MS4A3: variants seen among roughly 807,000 people sequenced by gnomAD.
MS4A3 encodes the protein membrane spanning 4-domains A3, also known as membrane-spanning 4-domains subfamily A member 3.
Under a neutral mutation model 24.7 loss-of-function variants are expected in MS4A3, and 18 were observed. That is an observed-to-expected ratio of 0.73 (90% confidence interval 0.50 to 1.08). The LOEUF (loss-of-function observed/expected upper bound fraction) is 1.08. Among genes scored for constraint, MS4A3 ranks in the 50% least tolerant of loss-of-function variants. MS4A3 has a pLI of 0.00. For missense variants in MS4A3, 282 were observed against 251.7 expected, an observed-to-expected ratio of 1.12 and a Z score of -0.82; for synonymous variants, 84 against 95.3, an observed-to-expected ratio of 0.88 and a Z score of 0.69.
Position 60,071,083 on chromosome 11 carries a change from T to G in MS4A3, c.*850T>G, listed in dbSNP as rs1437969841. The G allele has an allele frequency of 6.6e-6, 1 of 152,210 alleles. No homozygotes were observed. Among genetic ancestry groups the G allele is most frequent in the Non-Finnish European group, 1.5e-5 (1 of 68,032 alleles). 9.4% of individuals were successfully genotyped at this position (152,210 alleles called of 1,614,324 possible). A position where few individuals can be genotyped will look rare whatever the true frequency, so the allele number is the denominator to read the frequency against. Reference sequence around the variant, plus strand: ...CTACTTTGTCGGTTGCTCTGAGGGTTAAATGAAAATAAAAAGAAAATGTGA... The same window carrying G: ...CTACTTTGTCGGTTGCTCTGAGGGTGAAATGAAAATAAAAAGAAAATGTGA... On this transcript the variant is annotated 3_prime_UTR_variant, in exon 7 of 7. Coordinates refer to ENST00000278865, the MANE Select transcript of MS4A3 (RefSeq NM_006138.5).
chr11:60,069,596 T>C lies in MS4A3; in HGVS notation c.536T>C (p.Ile179Thr). The C allele has an allele frequency of 6.2e-7, 1 of 1,613,416 alleles. No homozygotes were observed. The highest frequency in any genetic ancestry group is 8.5e-7 in the Non-Finnish European group (1 of 1,179,426). The change falls in exon 6 of 7, where the codon ATT (isoleucine) becomes ACT (threonine). Residue 179 changes from isoleucine to threonine, a missense_variant. Physicochemically the swap from Ile to Thr is moderately conservative, Grantham distance 89. Transcript: ENST00000278865. Reference sequence around the variant, plus strand: ...TAGGGCATGGTGTCTCTACTGCTGATTCTCACCTTGCTGGAATTATGCGTA... The same window carrying C: ...TAGGGCATGGTGTCTCTACTGCTGACTCTCACCTTGCTGGAATTATGCGTA... The part of the protein sequence containing the change: ...ISNGMVSLLL[I>T]LTLLELCVTI...
At chr11:60,060,208 T>A (rs924821052) in intron 1 of MS4A3, among the ~76,000 whole-genome samples, 1 of 152,208 alleles carries the variant, frequency 6.6e-6, no homozygotes, top group African/African-American at 2.4e-5. Context: ...TGATACCACC[T>A]GTTCACAGGT....
intron 3 of MS4A3, among the ~76,000 whole-genome samples, chr11:60,063,070 T>C (rs1343694417): frequency 6.6e-6 from 1 of 152,246 alleles, no homozygotes; most frequent in Non-Finnish European, 1.5e-5. Flanking sequence ...AATGCTGGAA[T>C]TGCCAGGCAT....
Position 60,070,803 on chromosome 11 carries a change from A to T in MS4A3, c.*570A>T, listed in dbSNP as rs1855463640. On this transcript the variant is annotated 3_prime_UTR_variant, in exon 7 of 7. Coordinates refer to ENST00000278865, the MANE Select transcript of MS4A3 (RefSeq NM_006138.5). The stretch of plus-strand genomic sequence containing the variant: ...AGGCTCAGGGATTTTATTTCAGTGA[A>T]CTGCTGGAACTCACACATGCCCTGA... 1 of 152,456 alleles carries T rather than the reference A, an allele frequency of 6.6e-6. No homozygotes were observed. The highest frequency in any genetic ancestry group is 1.5e-5 in the Non-Finnish European group (1 of 68,264). 9.4% of individuals were successfully genotyped at this position (152,456 alleles called of 1,614,324 possible).
Position 60,067,052 on chromosome 11 carries a change from G to C in MS4A3, c.453G>C (p.Arg151Ser), listed in dbSNP as rs897923440. The C allele has an allele frequency of 1.9e-6, 3 of 1,613,300 alleles. No homozygotes were observed. The highest frequency in any genetic ancestry group is 2.5e-6 in the Non-Finnish European group (3 of 1,179,822). Residue 151 changes from arginine (R) to serine (S), a missense_variant, in exon 5 of 7, where the codon AGG (arginine) becomes AGC (serine). Arg to Ser is a moderately radical substitution (Grantham distance 110). Coordinates refer to ENST00000278865, the MANE Select transcript of MS4A3 (RefSeq NM_006138.5). ...TAGCAGTTAATATCCAGTCATTAAGGAGTTGTCACTCTTCATCAGAGTCAC... is the reference window on the plus strand; with the variant it reads ...TAGCAGTTAATATCCAGTCATTAAGCAGTTGTCACTCTTCATCAGAGTCAC... ...LNIAVNIQSL[R>S]SCHSSSESPD...
intron 3 of MS4A3, among the ~76,000 whole-genome samples, chr11:60,063,077 G>A (rs1363405616): frequency 6.6e-6 from 1 of 152,134 alleles, no homozygotes; most frequent in Non-Finnish European, 1.5e-5. Context: ...GAATTGCCAG[G>A]CATGAGCCCT....
chr11:60,062,873 C>T (rs1855299996), intron 3 of MS4A3, among the ~76,000 whole-genome samples: 1 of 152,040 alleles, frequency 6.6e-6, no homozygotes, highest in African/African-American at 2.4e-5. Flanking sequence ...CCACTGAAAC[C>T]CTCTGCCTCC....
chr11:60,068,658 C>T (rs1855418259), intron 5 of MS4A3, among the ~76,000 whole-genome samples: 1 of 152,116 alleles, frequency 6.6e-6, no homozygotes, highest in South Asian at 2.1e-4. Context: ...TCCCAGTGAT[C>T]TATGAACTGT....
rs375658544 is a variant in MS4A3 at position 60,070,364 on chromosome 11, A to G, written c.*131A>G. 44 of 706,716 alleles carry G rather than the reference A, an allele frequency of 6.2e-5. No individual in the cohort carries two copies. Among genetic ancestry groups the G allele is most frequent in the East Asian group, 3.0e-4 (11 of 36,974 alleles). 43.8% of individuals were successfully genotyped at this position (706,716 alleles called of 1,614,324 possible). A position where few individuals can be genotyped will look rare whatever the true frequency, so the allele number is the denominator to read the frequency against. ...GCTCAATCCTTCTATCATGGCACCA[A>G]TCACAAGAACCTTGGACGTTTGACT... is the stretch of plus-strand genomic sequence containing the variant. On this transcript the variant is annotated 3_prime_UTR_variant, in exon 7 of 7. Coordinates refer to ENST00000278865, the MANE Select transcript of MS4A3 (RefSeq NM_006138.5).
At chr11:60,061,472 C>G (rs1855274243) in intron 2 of MS4A3, 156 bp downstream of exon 2, 2 of 818,838 alleles carry the variant, frequency 2.4e-6, no homozygotes, top group Non-Finnish European at 4.0e-6. Context: ...AACCCCTGCT[C>G]TCCCTCTTCT....
chr11:60,062,595 G>T lies in MS4A3; in HGVS notation c.284G>T (p.Gly95Val). ...FTFYTGYPIW[G>V]AVFFCSSGTL... Reference sequence around the variant, plus strand: ...TTCTACACAGGCTACCCGATTTGGGGTGCTGTGTTTGTGAGTATTCGTACT... The same window carrying T: ...TTCTACACAGGCTACCCGATTTGGGTTGCTGTGTTTGTGAGTATTCGTACT... Residue 95 changes from glycine to valine, a missense_variant, in exon 3 of 7, where the codon GGT becomes GTT. Transcript: ENST00000278865. The T allele has an allele frequency of 6.2e-7, 1 of 1,613,984 alleles. No individual in the cohort carries two copies. Among genetic ancestry groups the T allele is most frequent in the South Asian group, 1.1e-5 (1 of 91,078 alleles).
rs1369166820 is a variant in MS4A3 at position 60,070,346 on chromosome 11, C to A, written c.*113C>A. Reference sequence around the variant, plus strand: ...CATAAGCCTGCTCGTAAAGCTCAATCCTTCTATCATGGCACCAATCACAAG... The same window carrying A: ...CATAAGCCTGCTCGTAAAGCTCAATACTTCTATCATGGCACCAATCACAAG... On this transcript the variant is annotated 3_prime_UTR_variant, in exon 7 of 7. Coordinates refer to ENST00000278865, the MANE Select transcript of MS4A3 (RefSeq NM_006138.5). 6 of 824,650 alleles carry A rather than the reference C, an allele frequency of 7.3e-6. No homozygotes were observed. In the Admixed American group the frequency reaches 1.1e-4, roughly 16 times the overall value. 51.1% of individuals were successfully genotyped at this position (824,650 alleles called of 1,614,324 possible).
intron 1 of MS4A3, among the ~76,000 whole-genome samples, chr11:60,060,331 T>C (rs1251246492): frequency 2.6e-5 from 4 of 152,146 alleles, no homozygotes; most frequent in African/African-American, 9.7e-5. Flanking sequence ...GTCATGCAAC[T>C]AGTAAGTGAT....
chr11:60,070,117 T>C (rs1855451271), intron 6 of MS4A3, 87 bp from the exon 7 acceptor site: 1 of 1,156,204 alleles, frequency 8.6e-7, no homozygotes, highest in South Asian at 1.3e-5. Context: ...ATTTTATTGT[T>C]GATGATTATG....
chr11:60,057,025 G>A (rs563272231), intron 1 of MS4A3, among the ~76,000 whole-genome samples: 5 of 152,300 alleles, frequency 3.3e-5, no homozygotes, highest in African/African-American at 1.2e-4. Context: ...CCCACTGGCT[G>A]CACCTGAGTT....
At chr11:60,059,533 C>T (rs1489877381) in intron 1 of MS4A3, among the ~76,000 whole-genome samples, 1 of 151,886 alleles carries the variant, frequency 6.6e-6, no homozygotes, top group African/African-American at 2.4e-5. Context: ...TTCCCGATCT[C>T]CTCCCTCCTC....
intron 4 of MS4A3, among the ~76,000 whole-genome samples, chr11:60,065,057 T>C (rs1253501323): frequency 6.6e-6 from 1 of 152,118 alleles, no homozygotes; most frequent in Non-Finnish European, 1.5e-5. Context: ...TATATATATA[T>C]TTTTCGAGTC....
intron 2 of MS4A3, 31 bp from the exon 3 acceptor site, chr11:60,062,437 T>G: frequency 6.2e-7 from 1 of 1,613,848 alleles, no homozygotes; most frequent in Non-Finnish European, 8.5e-7. Context: ...AGTATATGAC[T>G]GTTACGCCTT....
At chr11:60,070,165 G>T in intron 6 of MS4A3, 39 bp from the exon 7 acceptor site, 1 of 1,550,470 alleles carries the variant, frequency 6.4e-7, no homozygotes, top group Non-Finnish European at 8.9e-7. Flanking sequence ...AGGAGATAAT[G>T]ATCCTGTTCT....
Sources: allele counts gnomAD v4.1 joint callset (sites outside exome capture counted in the v4.1 genomes callset), GRCh38; gene constraint gnomAD v4.1.1; transcripts MANE v1.5; gene names NCBI Gene and HGNC (gene_info 2026-07-23, HGNC 2026-07-21).